Variants in JARID2 observed in about 807,000 individuals in gnomAD.
JARID2 encodes jumonji and AT-rich interaction domain containing 2, also known as protein Jumonji.
Under a neutral mutation model 125.6 loss-of-function variants are expected in JARID2, and 21 were observed. The ratio of observed to expected loss-of-function variants is 0.17; its 90% CI spans 0.12 to 0.24. The LOEUF (loss-of-function observed/expected upper bound fraction) is 0.24, where lower values mean the gene tolerates loss of function less well. Ranked by LOEUF, JARID2 falls within the 10% of genes least tolerant of loss-of-function variation. JARID2 has a pLI of 1.00. For missense variants in JARID2, 1,303 were observed against 1,639.6 expected (o/e 0.79, Z 3.55); for synonymous variants, 736 against 661.6 (o/e 1.11, Z -1.73).
chr6:15,462,375 A>G (rs1768493443), intron 4 of JARID2, among the ~76,000 whole-genome samples: 2 of 152,224 alleles, frequency 1.3e-5, no homozygotes, highest in South Asian at 4.1e-4. Context: ...TTGTGTTTAC[A>G]TGTTGTGCAT....
intron 9 of JARID2, among the ~76,000 whole-genome samples, chr6:15,506,738 C>T (rs759514637): frequency 2.0e-5 from 3 of 152,150 alleles, no homozygotes; most frequent in East Asian, 3.9e-4. Context: ...TGGCGGTTAC[C>T]GTGCTTAGCA....
chr6:15,252,736 C>T (rs959511624), intron 1 of JARID2, among the ~76,000 whole-genome samples: 1 of 150,500 alleles, frequency 6.6e-6, no homozygotes. Context: ...TCTGTTTTTT[C>T]ATGTGCTCAA....
chr6:15,289,382 A>G (rs1288936906), intron 1 of JARID2, among the ~76,000 whole-genome samples: 1 of 152,156 alleles, frequency 6.6e-6, no homozygotes, highest in Non-Finnish European at 1.5e-5. Context: ...CAATTCTTCT[A>G]TTTTTTAAAT....
At chr6:15,310,266 A>T (rs959409563) in intron 1 of JARID2, among the ~76,000 whole-genome samples, 1 of 152,252 alleles carries the variant, frequency 6.6e-6, no homozygotes, top group Non-Finnish European at 1.5e-5. Context: ...AAAACCCTGC[A>T]GAAGAAAAAC....
intron 2 of JARID2, among the ~76,000 whole-genome samples, chr6:15,404,999 T>C (rs1765591765): frequency 6.6e-6 from 1 of 152,166 alleles, no homozygotes; most frequent in South Asian, 2.1e-4. Flanking sequence ...TTTCCAGATA[T>C]TAGAAAAGAG....
intron 1 of JARID2, among the ~76,000 whole-genome samples, chr6:15,329,195 G>A (rs1762626857): frequency 6.6e-6 from 1 of 150,476 alleles, no homozygotes; most frequent in Non-Finnish European, 1.5e-5. Flanking sequence ...TTTTTTTGGG[G>A]GATTATTTTG....
Position 15,487,533 on chromosome 6 carries a change from A to T in JARID2, c.897A>T (p.Leu299Phe). 1.9e-6 allele frequency: 3 copies of T among 1,604,852 alleles called. No individual in the cohort carries two copies. Among genetic ancestry groups the T allele is most frequent in the Non-Finnish European group, 2.6e-6 (3 of 1,173,544 alleles). ...CTCTGCATCGGTCGGCTCAGGACTT[A>T]CGGAAACAGGTAAAGTCCAGCAGGG... ...HPPLHRSAQD[L>F]RKQVSKVNGV... is the part of the protein sequence containing the mutation. The change falls in exon 6 of 18, where the codon TTA (leucine) becomes TTT (phenylalanine). Residue 299 changes from leucine (L) to phenylalanine (F), a missense_variant. Transcript: ENST00000341776.
chr6:15,271,115 A>G (rs1345732544), intron 1 of JARID2, among the ~76,000 whole-genome samples: 1 of 152,140 alleles, frequency 6.6e-6, no homozygotes, highest in African/African-American at 2.4e-5. Context: ...ATTTTATTTC[A>G]TTTTAGTTCT....
chr6:15,265,615 C>T (rs1241577020), intron 1 of JARID2, among the ~76,000 whole-genome samples: 2 of 152,124 alleles, frequency 1.3e-5, no homozygotes, highest in African/African-American at 4.8e-5. Context: ...TGGCTGGCAG[C>T]CAAGAAGCCA....
intron 3 of JARID2, among the ~76,000 whole-genome samples, chr6:15,437,324 C>A (rs981193013): frequency 1.3e-5 from 2 of 152,196 alleles, no homozygotes; most frequent in African/African-American, 4.8e-5. Flanking sequence ...AAGGCAGAAA[C>A]TGTGTCTCCT....
intron 7 of JARID2, among the ~76,000 whole-genome samples, chr6:15,500,443 C>G (rs569483054): frequency 1.3e-5 from 2 of 152,250 alleles, no homozygotes; most frequent in South Asian, 4.1e-4. Flanking sequence ...GAGTTGGTAA[C>G]AAGCATGTGT....
In JARID2 at chr6:15,380,475, C is replaced by T. The variant is rs191567249; in HGVS notation, c.181+6223C>T. Among the ~76,000 whole-genome samples, 598 of 152,164 alleles carry T rather than the reference C, an allele frequency of 3.9e-3. 5 individuals are homozygous for T. Among genetic ancestry groups the T allele is most frequent in the Middle Eastern group, 0.024 (7 of 290 alleles). On this transcript the variant is annotated intron_variant, in intron 2 of 17. Coordinates refer to ENST00000341776, the MANE Select transcript of JARID2 (RefSeq NM_004973.4). ...AAAATGTAGACTGTGAATTGGTTTC[C>T]TCCTCTCTTCAGTCAGACACACAGA...
chr6:15,407,153 T>A (rs1765683596), intron 2 of JARID2, among the ~76,000 whole-genome samples: 1 of 151,954 alleles, frequency 6.6e-6, no homozygotes, highest in Admixed American at 6.5e-5. Context: ...TCCCAGCCAT[T>A]CGGGAGGCTG....
At chr6:15,253,249 A>G (rs910696824) in intron 1 of JARID2, among the ~76,000 whole-genome samples, 1 of 152,040 alleles carries the variant, frequency 6.6e-6, no homozygotes, top group East Asian at 1.9e-4. Flanking sequence ...ATTTTTAGTA[A>G]AGACGGGGTT....
intron 5 of JARID2, among the ~76,000 whole-genome samples, chr6:15,477,692 T>C (rs1340856145): frequency 6.6e-6 from 1 of 152,140 alleles, no homozygotes; most frequent in East Asian, 1.9e-4. Flanking sequence ...ATTTTTCTGT[T>C]TTAGTTTTCT....
rs139702577 is a variant in JARID2, at chr6:15,293,148, A to G, written c.45+46564A>G. 5.3e-3 allele frequency among the ~76,000 whole-genome samples: 813 copies of G among 152,314 alleles called. 5 individuals carry two copies. Among genetic ancestry groups the G allele is most frequent in the Non-Finnish European group, 0.01 (688 of 68,028 alleles). On this transcript the variant is annotated intron_variant, in intron 1 of 17. Coordinates refer to ENST00000341776, the MANE Select transcript of JARID2 (RefSeq NM_004973.4). ...GTTTGATCCAGTGCTTGACTTTGCC[A>G]TGTTCCTGTGTGACGCTTATGCCAA...
chr6:15,492,376 G>GTGCAGCGGTGGCCTTCCT (rs1561900754), intron 6 of JARID2, among the ~76,000 whole-genome samples: 2 of 152,234 alleles, frequency 1.3e-5, no homozygotes, highest in African/African-American at 4.8e-5. Flanking sequence ...CCCTCAGGAC[G>GTGCAGCGGTGGCCTTCCT]TGCAGCGGTG....
chr6:15,331,418 A>G (rs1427139733), intron 1 of JARID2, among the ~76,000 whole-genome samples: 1 of 152,070 alleles, frequency 6.6e-6, no homozygotes, highest in Non-Finnish European at 1.5e-5. Flanking sequence ...GTGCCCTTAG[A>G]AGTATAATAC....
intron 9 of JARID2, chr6:15,505,380 C>T: frequency 6.8e-6 from 1 of 148,148 alleles, no homozygotes; most frequent in African/African-American, 2.5e-5. Context: ...TTAATGCCAC[C>T]TGTTTCAAAT....
Sources: allele counts gnomAD v4.1 joint callset (sites outside exome capture counted in the v4.1 genomes callset), GRCh38; gene constraint gnomAD v4.1.1; transcripts MANE v1.5; gene names NCBI Gene and HGNC (gene_info 2026-07-23, HGNC 2026-07-21).